The following FHIT variants were observed in gnomAD, a reference collection of about 807,000 sequenced individuals.
The protein encoded by FHIT is bis(5'-adenosyl)-triphosphatase.
In FHIT, 19 loss-of-function variants were observed where a neutral mutation model predicts 17.9. The ratio of observed to expected loss-of-function variants is 1.06; its 90% CI spans 0.74 to 1.56. The LOEUF is 1.56. Ranked by LOEUF, FHIT falls within the 40% of genes most tolerant of loss-of-function variation. The pLI, the probability that FHIT is intolerant of heterozygous loss-of-function variation, is 0.00. For missense variants in FHIT, 248 were observed against 189.2 expected (o/e 1.31, Z -1.82); for synonymous variants, 81 against 69.7 (o/e 1.16, Z -0.81).
At chr3:60,459,993 G>A (rs1360025257) in intron 5 of FHIT, among the ~76,000 whole-genome samples, 2 of 152,056 alleles carry the variant, frequency 1.3e-5, no homozygotes, top group Non-Finnish European at 2.9e-5. Context: ...GTTGCAATCA[G>A]CAACCCAAAA....
At chr3:60,758,058 G>A (rs1380289079) in intron 4 of FHIT, among the ~76,000 whole-genome samples, 2 of 152,070 alleles carry the variant, frequency 1.3e-5, no homozygotes, top group Non-Finnish European at 2.9e-5. Context: ...TCAGAAGGGA[G>A]GAGAAAGAAC....
chr3:60,508,814 T>A (rs2034835039), intron 5 of FHIT, among the ~76,000 whole-genome samples: 1 of 152,104 alleles, frequency 6.6e-6, no homozygotes, highest in Non-Finnish European at 1.5e-5. Flanking sequence ...ACTTATGGCA[T>A]CACAGCTTAG....
chr3:61,079,382 A>T (rs991767220), intron 2 of FHIT, among the ~76,000 whole-genome samples: 7 of 152,148 alleles, frequency 4.6e-5, no homozygotes, highest in East Asian at 1.9e-4. Flanking sequence ...AAGCAGATTT[A>T]AAAAATTTGG....
At chr3:60,987,382 A>G (rs1041172951) in intron 3 of FHIT, among the ~76,000 whole-genome samples, 5 of 152,204 alleles carry the variant, frequency 3.3e-5, no homozygotes, top group African/African-American at 7.2e-5. Flanking sequence ...GTGGAAAATC[A>G]CTTAAAGGCA....
chr3:60,721,030 G>A (rs1424402509), intron 4 of FHIT, among the ~76,000 whole-genome samples: 1 of 152,040 alleles, frequency 6.6e-6, no homozygotes, highest in Non-Finnish European at 1.5e-5. Context: ...GTTAAGTGAT[G>A]ACTTAACAAA....
intron 6 of FHIT, among the ~76,000 whole-genome samples, chr3:60,012,956 T>C (rs560044927): frequency 1.3e-5 from 2 of 152,268 alleles, no homozygotes; most frequent in South Asian, 4.1e-4. Flanking sequence ...AGAAACACGG[T>C]TTGCAACATA....
chr3:60,296,100 T>C (rs1409102479), intron 5 of FHIT, among the ~76,000 whole-genome samples: 3 of 152,142 alleles, frequency 2.0e-5, no homozygotes, highest in Admixed American at 6.6e-5. Flanking sequence ...TCTGCCATGA[T>C]TGTGTGGCCT....
rs555101891 is a variant in FHIT at position 60,523,572 on chromosome 3, A to C, written c.103+13288T>G. ...CATGGGAAGCCAAGATGATAAAGCCATAAAAACTTGACTAAACTGAAGAAA... is the reference window on the plus strand; with the variant it reads ...CATGGGAAGCCAAGATGATAAAGCCCTAAAAACTTGACTAAACTGAAGAAA... On this transcript the variant is annotated intron_variant, in intron 5 of 9. Coordinates refer to ENST00000492590, the MANE Select transcript of FHIT (RefSeq NM_002012.4). 4.6e-5 allele frequency among the ~76,000 whole-genome samples: 7 copies of C among 152,332 alleles called. No homozygotes were observed. The South Asian group carries it at 1.5e-3, about 32-fold the overall frequency.
intron 4 of FHIT, among the ~76,000 whole-genome samples, chr3:60,579,050 T>C (rs1559554825): frequency 6.6e-6 from 1 of 152,144 alleles, no homozygotes; most frequent in African/African-American, 2.4e-5. Context: ...CACCTGCAAA[T>C]TGTCCTTTCA....
At chr3:60,432,726 A>T (rs1702965609) in intron 5 of FHIT, among the ~76,000 whole-genome samples, 1 of 152,058 alleles carries the variant, frequency 6.6e-6, no homozygotes. Context: ...CTACTGGGGG[A>T]AGCATTGGTG....
chr3:61,103,359 C>T (rs565902629), intron 2 of FHIT, among the ~76,000 whole-genome samples: 8 of 152,198 alleles, frequency 5.3e-5, no homozygotes, highest in South Asian at 2.1e-4. Flanking sequence ...TGTGGTTGTG[C>T]GGCTTTCAGT....
At chr3:61,074,457 AC>A (rs2034907922) in intron 2 of FHIT, among the ~76,000 whole-genome samples, 4 of 152,338 alleles carry the variant, frequency 2.6e-5, no homozygotes. Flanking sequence ...TTTGGACCAT[AC>A]AGTAATGGTT....
intron 8 of FHIT, among the ~76,000 whole-genome samples, chr3:59,850,886 G>T (rs1248159065): frequency 4.6e-5 from 7 of 152,208 alleles, no homozygotes; most frequent in Admixed American, 1.3e-4. Context: ...CTAAAAGCCT[G>T]ATTGTATGTT....
chr3:60,757,437 T>C (rs1340665743), intron 4 of FHIT, among the ~76,000 whole-genome samples: 2 of 152,174 alleles, frequency 1.3e-5, no homozygotes, highest in East Asian at 1.9e-4. Context: ...TATTTTCTGA[T>C]AGAGAATGAA....
At chr3:60,894,159 G>T (rs1462265219) in intron 3 of FHIT, among the ~76,000 whole-genome samples, 2 of 152,192 alleles carry the variant, frequency 1.3e-5, no homozygotes, top group African/African-American at 4.8e-5. Context: ...TGAAACAAAA[G>T]ATGGGAAAGG....
At chr3:61,187,577 G>A (rs565398063) in intron 2 of FHIT, among the ~76,000 whole-genome samples, 10 of 152,198 alleles carry the variant, frequency 6.6e-5, no homozygotes, top group South Asian at 4.2e-4. Context: ...TGCAGCAAGC[G>A]GACCTAATAG....
intron 7 of FHIT, among the ~76,000 whole-genome samples, chr3:59,929,965 G>T (rs946986983): frequency 6.6e-6 from 1 of 151,810 alleles, no homozygotes; most frequent in Non-Finnish European, 1.5e-5. Flanking sequence ...CACGAGTAAG[G>T]GAAGGAAACA....
At chr3:59,769,326 C>T (rs957646630) in intron 8 of FHIT, among the ~76,000 whole-genome samples, 5 of 152,152 alleles carry the variant, frequency 3.3e-5, no homozygotes, top group African/African-American at 1.2e-4. Flanking sequence ...CCCATGGTCA[C>T]GTGCCCTCTC....
At chr3:60,251,631 A>G (rs1485467787) in intron 5 of FHIT, among the ~76,000 whole-genome samples, 1 of 152,150 alleles carries the variant, frequency 6.6e-6, no homozygotes, top group East Asian at 1.9e-4. Flanking sequence ...CACTCCATGC[A>G]TGTTGTGTGT....
Sources: gnomAD v4.1 joint callset for allele counts (sites outside exome capture counted in the v4.1 genomes callset) on GRCh38, gnomAD v4.1.1 for gene constraint, MANE v1.5 for transcripts, NCBI Gene and HGNC (gene_info 2026-07-23, HGNC 2026-07-21) for gene names.